The following CAMKK2 variants were observed in gnomAD, a reference collection of about 807,000 sequenced individuals.
CAMKK2 encodes calcium/calmodulin dependent protein kinase kinase 2.
A neutral mutation model predicts 67.2 loss-of-function variants in CAMKK2; 30 were observed. The observed-to-expected ratio is 0.45, with a 90% CI of 0.33 to 0.61. The LOEUF is 0.61. CAMKK2 is among the 20% of genes least tolerant of loss of function. The pLI is 0.02. For missense variants in CAMKK2, 643 were observed against 802.0 expected, an observed-to-expected ratio of 0.80 and a Z score of 2.39; for synonymous variants, 322 against 326.2, an observed-to-expected ratio of 0.99 and a Z score of 0.14.
Position 121,268,654 on chromosome 12 carries a change from C to A in CAMKK2, c.609G>T (p.Arg203=). 6.2e-7 allele frequency: 1 copy of A among 1,614,062 alleles called. No homozygotes were observed. Among genetic ancestry groups the A allele is most frequent in the Non-Finnish European group, 8.5e-7 (1 of 1,179,932 alleles). Reference sequence around the variant, plus strand: ...CAAACTCACGTGGAAAGCCGGCCTGCCGGATCAGCTTCTTTTTGGACAGCA... The same window carrying A: ...CAAACTCACGTGGAAAGCCGGCCTGACGGATCAGCTTCTTTTTGGACAGCA... The part of the protein sequence containing the change: ...MKVLSKKKLI[R]QAGFPRRPPP... Residue 203 remains arginine, a synonymous_variant, in exon 5 of 17, where the codon CGG becomes CGT. Transcript: ENST00000404169.
intron 7 of CAMKK2, among the ~76,000 whole-genome samples, chr12:121,259,195 T>C (rs1171075004): frequency 6.6e-6 from 1 of 152,196 alleles, no homozygotes; most frequent in Non-Finnish European, 1.5e-5. Flanking sequence ...CCTGCTGTTC[T>C]GCCCAAATGT....
chr12:121,288,299 G>A (rs1371882781), intron 1 of CAMKK2, among the ~76,000 whole-genome samples: 2 of 152,252 alleles, frequency 1.3e-5, no homozygotes, highest in Non-Finnish European at 2.9e-5. Flanking sequence ...CACAGGCATC[G>A]GTGCCTGGGC....
Position 121,274,467 on chromosome 12 carries a change from C to G in CAMKK2, c.60G>C (p.Leu20=). The G allele has an allele frequency of 6.2e-7, 1 of 1,612,930 alleles. No individual in the cohort carries two copies. ...CGCTGCTGCTGCTGCCCCTGCCCCCCAGCTCATCCTGGGGGGCGGCCCGGT... is the reference window on the plus strand; with the variant it reads ...CGCTGCTGCTGCTGCCCCTGCCCCCGAGCTCATCCTGGGGGGCGGCCCGGT... ...SSNRAAPQDE[L]GGRGSSSSES... The change falls in exon 2 of 17, where the codon CTG becomes CTC. Residue 20 remains leucine (L), a synonymous_variant. Coordinates refer to ENST00000404169, the MANE Select transcript of CAMKK2 (RefSeq NM_001270485.2).
In CAMKK2 at chr12:121,263,780, C is replaced by G. The variant is rs199904935; in HGVS notation, c.759+26G>C. The G allele has an allele frequency of 2.6e-4, 405 of 1,579,526 alleles. 4 individuals are homozygous for G. The South Asian group carries it at 4.2e-3, about 16-fold the overall frequency. ...TATTAACAAAGCCAGGGCCTCCCTCCCTCCTGGGCGCCTCCACCCTTTTAC... is the reference window on the plus strand; with the variant it reads ...TATTAACAAAGCCAGGGCCTCCCTCGCTCCTGGGCGCCTCCACCCTTTTAC... On this transcript the variant is annotated intron_variant, in intron 6 of 16. Coordinates refer to ENST00000404169, the MANE Select transcript of CAMKK2 (RefSeq NM_001270485.2).
intron 1 of CAMKK2, among the ~76,000 whole-genome samples, chr12:121,279,614 G>A (rs925000525): frequency 2.0e-5 from 3 of 152,202 alleles, no homozygotes; most frequent in African/African-American, 7.2e-5. Context: ...TGAAGCATTC[G>A]ATTCCAGAGG....
At chr12:121,281,333 A>G (rs1434779276) in intron 1 of CAMKK2, among the ~76,000 whole-genome samples, 2 of 152,226 alleles carry the variant, frequency 1.3e-5, no homozygotes, top group African/African-American at 4.8e-5. Flanking sequence ...ACACCTGTGC[A>G]GGCTCCCCTG....
At chr12:121,255,065 C>A (rs2668250) in intron 9 of CAMKK2, among the ~76,000 whole-genome samples, 2,036 of 147,680 alleles carry the variant, frequency 0.014, 46 homozygotes, top group African/African-American at 0.048. Context: ...TGCTTCCTGC[C>A]CTCAAACGTC....
rs1250803324 is a variant in CAMKK2, at chr12:121,245,329, A to G, written c.1453-89T>C. The G allele has an allele frequency of 1.3e-6, 1 of 797,216 alleles. No individual in the cohort carries two copies. Among genetic ancestry groups the G allele is most frequent in the African/African-American group, 1.7e-5 (1 of 58,844 alleles). The allele number at this position is 797,216 out of a possible 1,614,324, so 49.4% of individuals were successfully genotyped here. On this transcript the variant is annotated intron_variant, in intron 14 of 16. Transcript: ENST00000404169. This position sits in a 1 kb window ranked among gnomAD's most constrained non-coding sequence, Gnocchi z 5.8. ...AACATCCTCCCTCTTCCTTCTCCCC[A>G]GCCCCTGCCAGCTCCCAGGGCTGGT... is the stretch of plus-strand genomic sequence containing the variant.
chr12:121,277,708 T>C lies in CAMKK2; in HGVS notation c.-59-3123A>G, dbSNP rs141919784. Among the ~76,000 whole-genome samples the C allele has an allele frequency of 3.8e-3, 583 of 152,342 alleles. 2 individuals are homozygous for C. The highest frequency in any genetic ancestry group is 6.5e-3 in the Non-Finnish European group (442 of 68,036). ...CAGGCCAGATGCAGTGGTTCGCACCTGTAATCCCAACACCTTGGGAGGCCA... is the reference window on the plus strand; with the variant it reads ...CAGGCCAGATGCAGTGGTTCGCACCCGTAATCCCAACACCTTGGGAGGCCA... On this transcript the variant is annotated intron_variant, in intron 1 of 16. Transcript: ENST00000404169.
At chr12:121,268,557 G>T in intron 5 of CAMKK2, 81 bp downstream of exon 5, 1 of 1,288,476 alleles carries the variant, frequency 7.8e-7, no homozygotes, top group Non-Finnish European at 1.1e-6. Context: ...ACCATGCCCA[G>T]TGCAATGGTT....
chr12:121,260,710 T>C (rs1323533159), intron 6 of CAMKK2, among the ~76,000 whole-genome samples: 1 of 152,092 alleles, frequency 6.6e-6, no homozygotes, highest in East Asian at 1.9e-4. Context: ...CCCAGCACTT[T>C]GGGAGGCCGA....
chr12:121,272,502 A>G (rs1225885295), intron 2 of CAMKK2, among the ~76,000 whole-genome samples: 1 of 151,996 alleles, frequency 6.6e-6, no homozygotes, highest in Non-Finnish European at 1.5e-5. Flanking sequence ...TCCAGGGCCC[A>G]ATTTTCATCT....
rs964355392 is a variant in CAMKK2, at chr12:121,285,653, C to CA, written c.-60+10984dup. Among the ~76,000 whole-genome samples the CA allele has an allele frequency of 4.6e-5, 7 of 151,636 alleles. No homozygotes were observed. Among genetic ancestry groups the CA allele is most frequent in the East Asian group, 3.9e-4 (2 of 5,168 alleles). On this transcript the variant is annotated intron_variant, in intron 1 of 16. Transcript: ENST00000404169. This position sits in a 1 kb window ranked among gnomAD's most constrained non-coding sequence, Gnocchi z 4.1. ...GCGAGACCTCATCGCTACAAAAATA[C>CA]AAAAAAAACCTAGCTGGGCATGGTG...
chr12:121,238,196 A>G lies in CAMKK2; in HGVS notation c.*2503T>C, dbSNP rs904576081. 6.6e-6 allele frequency: 1 copy of G among 152,346 alleles called. No individual in the cohort carries two copies. Among genetic ancestry groups the G allele is most frequent in the Non-Finnish European group, 1.5e-5 (1 of 68,134 alleles). 9.4% of individuals were successfully genotyped at this position (152,346 alleles called of 1,614,324 possible). On this transcript the variant is annotated 3_prime_UTR_variant, in exon 17 of 17. Coordinates refer to ENST00000404169, the MANE Select transcript of CAMKK2 (RefSeq NM_001270485.2). ...GCCCCAAGTGTCAACAAGGGGCTCA[A>G]TAAGGCTTTCTGGGAGCCACTGGCA... is the stretch of plus-strand genomic sequence containing the variant.
intron 15 of CAMKK2, 139 bp from the exon 16 acceptor site, chr12:121,244,754 G>A (rs1889089766): frequency 2.9e-6 from 2 of 682,548 alleles, no homozygotes; most frequent in Non-Finnish European, 5.1e-6. Context: ...GTTGACAGCA[G>A]ATGAGTGGAC....
At chr12:121,288,400 G>A (rs564701945) in intron 1 of CAMKK2, among the ~76,000 whole-genome samples, 1 of 152,246 alleles carries the variant, frequency 6.6e-6, no homozygotes, top group South Asian at 2.1e-4. Context: ...GACAAGAAGA[G>A]TGCAGGGAGC....
intron 1 of CAMKK2, among the ~76,000 whole-genome samples, chr12:121,295,771 A>C (rs1462922723): frequency 6.6e-6 from 1 of 152,146 alleles, no homozygotes; most frequent in Non-Finnish European, 1.5e-5. Context: ...GGGAGATCGG[A>C]GGGGCTGAGC....
At position 121,253,619 on chromosome 12, in the gene CAMKK2, C is replaced by A. The variant is rs938036040; in HGVS notation, c.908-147G>T. The A allele has an allele frequency of 1.0e-5, 7 of 682,784 alleles. No individual in the cohort carries two copies. The Admixed American group carries it at 1.2e-4, about 11-fold the overall frequency. The allele number at this position is 682,784 out of a possible 1,614,324, so 42.3% of individuals were successfully genotyped here. On this transcript the variant is annotated intron_variant, in intron 9 of 16. Coordinates refer to ENST00000404169, the MANE Select transcript of CAMKK2 (RefSeq NM_001270485.2). The surrounding 1 kb of genome is among the most constrained non-coding windows in gnomAD (Gnocchi z 5.0). Reference sequence around the variant, plus strand: ...CCCAGGCCTTTTCCAACCTTCCACTCCCCAAACCCGCTGGGCACTGACATG... The same window carrying A: ...CCCAGGCCTTTTCCAACCTTCCACTACCCAAACCCGCTGGGCACTGACATG...
rs1888016407 is a variant in CAMKK2, at chr12:121,239,634, C to T, written c.*1065G>A. On this transcript the variant is annotated 3_prime_UTR_variant, in exon 17 of 17. Transcript: ENST00000404169. ...GTATTTCATTGACCACAACAATCAG[C>T]TAGGATTTAAAATGAAAACAAAACC... 1 of 152,132 alleles carries T rather than the reference C, an allele frequency of 6.6e-6. No individual in the cohort carries two copies. Among genetic ancestry groups the T allele is most frequent in the Non-Finnish European group, 1.5e-5 (1 of 68,034 alleles). 9.4% of individuals were successfully genotyped at this position (152,132 alleles called of 1,614,324 possible).
Sources: allele counts gnomAD v4.1 joint callset (sites outside exome capture counted in the v4.1 genomes callset), GRCh38; gene constraint gnomAD v4.1.1; non-coding constraint Gnocchi (gnomAD v3.1); transcripts MANE v1.5; gene names NCBI Gene and HGNC (gene_info 2026-07-23, HGNC 2026-07-21).